Variants in FOXK1 observed in about 807,000 individuals in gnomAD.
The protein encoded by FOXK1 is forkhead box protein K1.
In FOXK1, 19 loss-of-function variants were observed where a neutral mutation model predicts 51.9. That is an observed-to-expected ratio of 0.37 (90% CI 0.26 to 0.54). The LOEUF is 0.54. Among genes scored for constraint, FOXK1 ranks in the 20% least tolerant of loss-of-function variants. The pLI, the probability that FOXK1 is intolerant of heterozygous loss-of-function variation, is 0.87. For synonymous variants in FOXK1, 537 were observed against 482.6 expected, an observed-to-expected ratio of 1.11 and a Z score of -1.48; for missense variants, 870 against 1,032.7, an observed-to-expected ratio of 0.84 and a Z score of 2.16.
In FOXK1 at chr7:4,733,368, C is replaced by T. The variant is rs116445121; in HGVS notation, c.561-7470C>T. ...TAATGTCAGCTATGACCTGGAGGCA[C>T]CAGACTTTTTCTATTACGTTGCTTG... On this transcript the variant is annotated intron_variant, in intron 1 of 8. Transcript: ENST00000328914. This position sits in a 1 kb window ranked among gnomAD's most constrained non-coding sequence, Gnocchi z 5.0. 6.6e-6 allele frequency among the ~76,000 whole-genome samples: 1 copy of T among 152,104 alleles called. No individual in the cohort carries two copies. The highest frequency in any genetic ancestry group is 6.6e-5 in the Admixed American group (1 of 15,252).
chr7:4,712,478 G>A (rs1780186973), intron 1 of FOXK1, among the ~76,000 whole-genome samples: 1 of 152,128 alleles, frequency 6.6e-6, no homozygotes, highest in African/African-American at 2.4e-5. Flanking sequence ...GTTTCAGTCT[G>A]ATTATTTACC....
chr7:4,762,169 C>T lies in FOXK1; in HGVS notation c.1922-15C>T. The T allele has an allele frequency of 6.5e-7, 1 of 1,541,286 alleles. No individual in the cohort carries two copies. Among genetic ancestry groups the T allele is most frequent in the Non-Finnish European group, 8.8e-7 (1 of 1,138,740 alleles). On this transcript the variant is annotated splice_polypyrimidine_tract_variant and intron_variant, in intron 8 of 8. Transcript: ENST00000328914. The surrounding 1 kb of genome is among the most constrained non-coding windows in gnomAD (Gnocchi z 5.7). The stretch of plus-strand genomic sequence containing the variant: ...AACCAGACCCCAGAGTAACCCTCTT[C>T]TTCCTCCACTCCAGCCCTCACCAGC...
chr7:4,704,683 C>T (rs1246223150), intron 1 of FOXK1, among the ~76,000 whole-genome samples: 2 of 152,090 alleles, frequency 1.3e-5, no homozygotes, highest in Non-Finnish European at 2.9e-5. Flanking sequence ...CAGCGTCAGG[C>T]TGTGCTCGGA....
intron 1 of FOXK1, among the ~76,000 whole-genome samples, chr7:4,713,226 G>A (rs1185356129): frequency 3.9e-5 from 6 of 152,182 alleles, no homozygotes; most frequent in South Asian, 2.1e-4. Flanking sequence ...TTTTAAAGTC[G>A]TTGAAAATTA....
rs1780838606 is a variant in FOXK1 at position 4,755,761 on chromosome 7, G to A, written c.1050+378G>A. ...AGAAAAAAAATATCTTTTTAACTAAGAAGATAAATATAAAAGAGGGATGTT... is the reference window on the plus strand; with the variant it reads ...AGAAAAAAAATATCTTTTTAACTAAAAAGATAAATATAAAAGAGGGATGTT... On this transcript the variant is annotated intron_variant, in intron 4 of 8. Coordinates refer to ENST00000328914, the MANE Select transcript of FOXK1 (RefSeq NM_001037165.2). This position sits in a 1 kb window ranked among gnomAD's most constrained non-coding sequence, Gnocchi z 6.6. 6.6e-6 allele frequency among the ~76,000 whole-genome samples: 1 copy of A among 152,154 alleles called. No individual in the cohort carries two copies. Among genetic ancestry groups the A allele is most frequent in the African/African-American group, 2.4e-5 (1 of 41,446 alleles).
chr7:4,714,419 C>T (rs548328969), intron 1 of FOXK1, among the ~76,000 whole-genome samples: 11 of 152,342 alleles, frequency 7.2e-5, no homozygotes, highest in African/African-American at 2.6e-4. Flanking sequence ...GCTGGGATTA[C>T]AGGCGTGTGC....
intron 1 of FOXK1, among the ~76,000 whole-genome samples, chr7:4,694,980 A>G (rs966689156): frequency 3.3e-5 from 5 of 152,250 alleles, no homozygotes; most frequent in African/African-American, 1.2e-4. Context: ...AACTTAGTCA[A>G]TGAAAAATGA....
At chr7:4,708,204 G>T (rs536903940) in intron 1 of FOXK1, among the ~76,000 whole-genome samples, 1 of 152,264 alleles carries the variant, frequency 6.6e-6, no homozygotes, top group East Asian at 1.9e-4. Context: ...TGATTTTGGT[G>T]CTGATGCTGT....
At position 4,761,393 on chromosome 7, in the gene FOXK1, A is replaced by C; in HGVS notation, c.1921+105A>C. 1.7e-6 allele frequency: 2 copies of C among 1,172,724 alleles called. No individual in the cohort carries two copies. Among genetic ancestry groups the C allele is most frequent in the Non-Finnish European group, 2.4e-6 (2 of 829,796 alleles). 72.6% of individuals were successfully genotyped at this position (1,172,724 alleles called of 1,614,324 possible). ...CCCAGTATCTCCCGATCCTCCACTCAGTTCAATTTATTGAGCACCTGCTAT... is the reference window on the plus strand; with the variant it reads ...CCCAGTATCTCCCGATCCTCCACTCCGTTCAATTTATTGAGCACCTGCTAT... On this transcript the variant is annotated intron_variant, in intron 8 of 8. Coordinates refer to ENST00000328914, the MANE Select transcript of FOXK1 (RefSeq NM_001037165.2). This position sits in a 1 kb window ranked among gnomAD's most constrained non-coding sequence, Gnocchi z 6.2.
chr7:4,738,109 C>A (rs1414933475), intron 1 of FOXK1, among the ~76,000 whole-genome samples: 1 of 136,178 alleles, frequency 7.3e-6, no homozygotes, highest in Non-Finnish European at 1.6e-5. Flanking sequence ...GCAATAAGAG[C>A]CAAACTCTGC....
Position 4,763,783 on chromosome 7 carries a change from C to G in FOXK1, c.*1319C>G, listed in dbSNP as rs913198742. ...TGAGCCAGAGCTGTCTAATGCTGAGCCCAGCTCAGGAAGGAGAGAGGAGTC... is the reference window on the plus strand; with the variant it reads ...TGAGCCAGAGCTGTCTAATGCTGAGGCCAGCTCAGGAAGGAGAGAGGAGTC... On this transcript the variant is annotated 3_prime_UTR_variant, in exon 9 of 9. Coordinates refer to ENST00000328914, the MANE Select transcript of FOXK1 (RefSeq NM_001037165.2). 2 of 152,312 alleles carry G rather than the reference C, an allele frequency of 1.3e-5. No individual in the cohort carries two copies. The highest frequency in any genetic ancestry group is 4.8e-5 in the African/African-American group (2 of 41,462). The allele number at this position is 152,312 out of a possible 1,614,324, so 9.4% of individuals were successfully genotyped here.
Position 4,758,938 on chromosome 7 carries a change from C to T in FOXK1, c.1245-113C>T, listed in dbSNP as rs1419168052. ...ACCGTCTGAATGCGGAGGACAGAGA[C>T]GAGCTCCAGGGAGCGTGGGCGGGTG... On this transcript the variant is annotated intron_variant, in intron 5 of 8. Coordinates refer to ENST00000328914, the MANE Select transcript of FOXK1 (RefSeq NM_001037165.2). This position sits in a 1 kb window ranked among gnomAD's most constrained non-coding sequence, Gnocchi z 4.4. The T allele has an allele frequency of 5.1e-6, 6 of 1,166,610 alleles. No individual in the cohort carries two copies. Among genetic ancestry groups the T allele is most frequent in the African/African-American group, 1.5e-5 (1 of 64,612 alleles). 72.3% of individuals were successfully genotyped at this position (1,166,610 alleles called of 1,614,324 possible). A position where few individuals can be genotyped will look rare whatever the true frequency, so the allele number is the denominator to read the frequency against.
At position 4,723,006 on chromosome 7, in the gene FOXK1, A is replaced by G. The variant is rs577028865; in HGVS notation, c.561-17832A>G. ...AGGCACCCTCAGATCTGAGATCCAG[A>G]CAAGAGGCAGCGCTGGGTTCAGATC... is the stretch of plus-strand genomic sequence containing the variant. On this transcript the variant is annotated intron_variant, in intron 1 of 8. Coordinates refer to ENST00000328914, the MANE Select transcript of FOXK1 (RefSeq NM_001037165.2). This position sits in a 1 kb window ranked among gnomAD's most constrained non-coding sequence, Gnocchi z 4.7. Among the ~76,000 whole-genome samples, 1 of 152,174 alleles carries G rather than the reference A, an allele frequency of 6.6e-6. No homozygotes were observed. Among genetic ancestry groups the G allele is most frequent in the African/African-American group, 2.4e-5 (1 of 41,522 alleles).
At chr7:4,698,154 A>G (rs769642416) in intron 1 of FOXK1, among the ~76,000 whole-genome samples, 3 of 152,030 alleles carry the variant, frequency 2.0e-5, no homozygotes, top group African/African-American at 4.8e-5. Context: ...TTACGTTTTG[A>G]AAAAGTTGCA....
At chr7:4,718,294 G>A (rs1280129902) in intron 1 of FOXK1, among the ~76,000 whole-genome samples, 2 of 152,204 alleles carry the variant, frequency 1.3e-5, no homozygotes, top group Non-Finnish European at 2.9e-5. Flanking sequence ...CATCCCCACC[G>A]TGGCGGCCAC....
intron 1 of FOXK1, among the ~76,000 whole-genome samples, chr7:4,740,593 A>G (rs1045501714): frequency 1.6e-5 from 2 of 127,426 alleles, no homozygotes; most frequent in Non-Finnish European, 3.1e-5. Context: ...CCTGGGTGAC[A>G]GCGAGACTCC....
chr7:4,722,341 T>C lies in FOXK1; in HGVS notation c.561-18497T>C, dbSNP rs1418972258. 6.6e-6 allele frequency among the ~76,000 whole-genome samples: 1 copy of C among 152,232 alleles called. No homozygotes were observed. The highest frequency in any genetic ancestry group is 1.5e-5 in the Non-Finnish European group (1 of 68,030). Reference sequence around the variant, plus strand: ...TCTAAGGTTTTACCCAGATTCCCATTGTTGCCTCTTATGTACTTTGGTCGT... The same window carrying C: ...TCTAAGGTTTTACCCAGATTCCCATCGTTGCCTCTTATGTACTTTGGTCGT... On this transcript the variant is annotated intron_variant, in intron 1 of 8. Transcript: ENST00000328914. The surrounding 1 kb of genome is among the most constrained non-coding windows in gnomAD (Gnocchi z 5.1).
chr7:4,718,393 G>A (rs1174005590), intron 1 of FOXK1, among the ~76,000 whole-genome samples: 3 of 152,220 alleles, frequency 2.0e-5, no homozygotes, highest in Non-Finnish European at 4.4e-5. Context: ...GGGCTCGTCC[G>A]CAGCTCAGGG....
intron 1 of FOXK1, among the ~76,000 whole-genome samples, chr7:4,698,141 A>C (rs1383591819): frequency 6.6e-6 from 1 of 151,878 alleles, no homozygotes; most frequent in Admixed American, 6.6e-5. Flanking sequence ...TGTTATTAAA[A>C]TTTTACGTTT....
Sources: gnomAD v4.1 joint callset for allele counts (sites outside exome capture counted in the v4.1 genomes callset) on GRCh38, gnomAD v4.1.1 for gene constraint, Gnocchi (gnomAD v3.1) non-coding constraint, MANE v1.5 for transcripts, NCBI Gene and HGNC (gene_info 2026-07-23, HGNC 2026-07-21) for gene names.